Variants in ZFPM1 observed in about 807,000 individuals in gnomAD.
ZFPM1 encodes zinc finger protein ZFPM1.
In ZFPM1, 28 loss-of-function variants were observed where a neutral mutation model predicts 46.3. The ratio of observed to expected loss-of-function variants is 0.60; its 90% CI spans 0.45 to 0.83. The LOEUF (loss-of-function observed/expected upper bound fraction) is 0.83, where lower values mean the gene tolerates loss of function less well. Among genes scored for constraint, ZFPM1 ranks in the 40% least tolerant of loss-of-function variants. ZFPM1 has a pLI of 0.00. For missense variants in ZFPM1, 1,878 were observed against 1,432.4 expected (o/e 1.31, Z -5.02); for synonymous variants, 957 against 675.9 (o/e 1.42, Z -6.45).
At position 88,489,620 on chromosome 16, in the gene ZFPM1, G is replaced by A. The variant is rs533455972; in HGVS notation, c.268+467G>A. ...GGCCCCACCCCACTCCAGAGCGGCT[G>A]CAGCCTATGGGGACGGAGTCCCATC... On this transcript the variant is annotated intron_variant, in intron 3 of 9. Coordinates refer to ENST00000319555, the MANE Select transcript of ZFPM1 (RefSeq NM_153813.3). Among the ~76,000 whole-genome samples the A allele has an allele frequency of 7.2e-5, 11 of 152,338 alleles. No individual in the cohort carries two copies. The South Asian group carries it at 2.1e-3, about 29-fold the overall frequency.
At chr16:88,475,151 G>A (rs1305073534) in intron 1 of ZFPM1, among the ~76,000 whole-genome samples, 1 of 152,242 alleles carries the variant, frequency 6.6e-6, no homozygotes, top group Admixed American at 6.5e-5. Context: ...CACAGCTCCG[G>A]GAGGAGCCAT....
At chr16:88,455,834 G>A (rs1907531688) in intron 1 of ZFPM1, among the ~76,000 whole-genome samples, 6 of 152,170 alleles carry the variant, frequency 3.9e-5, no homozygotes, top group Admixed American at 3.9e-4. Context: ...TGGCGGAGGC[G>A]ATAGGCCGGG....
At chr16:88,530,720 C>T (rs2142487088) in intron 6 of ZFPM1, 1 of 150,966 alleles carries the variant, frequency 6.6e-6, no homozygotes, top group South Asian at 2.1e-4. Flanking sequence ...CAGCAAGAGT[C>T]CCCCACAATG....
chr16:88,471,489 G>A lies in ZFPM1; in HGVS notation c.41-14450G>A, dbSNP rs1466230109. On this transcript the variant is annotated intron_variant, in intron 1 of 9. Coordinates refer to ENST00000319555, the MANE Select transcript of ZFPM1 (RefSeq NM_153813.3). This position sits in a 1 kb window ranked among gnomAD's most constrained non-coding sequence, Gnocchi z 4.1. ...ACAGTGGGGGATGCCAGGACCCCGA[G>A]ACGACCATGCCCACAGTGGCTCCCA... 6.6e-6 allele frequency among the ~76,000 whole-genome samples: 1 copy of A among 150,892 alleles called. No homozygotes were observed. Among genetic ancestry groups the A allele is most frequent in the Non-Finnish European group, 1.5e-5 (1 of 67,978 alleles).
intron 4 of ZFPM1, among the ~76,000 whole-genome samples, chr16:88,523,915 G>T (rs898241236): frequency 6.6e-6 from 1 of 152,214 alleles, no homozygotes; most frequent in African/African-American, 2.4e-5. Context: ...ACTCGGCGGG[G>T]CCGGGCGGGA....
chr16:88,514,573 T>G, intron 4 of ZFPM1, 53 bp downstream of exon 4: 1 of 1,352,986 alleles, frequency 7.4e-7, no homozygotes, highest in Non-Finnish European at 9.7e-7. Flanking sequence ...CAGGGCAACA[T>G]GGACCCAGGG....
At position 88,533,801 on chromosome 16, in the gene ZFPM1, C is replaced by A; in HGVS notation, c.1843C>A (p.Pro615Thr). 8.7e-7 allele frequency: 1 copy of A among 1,144,712 alleles called. No homozygotes were observed. The highest frequency in any genetic ancestry group is 2.7e-5 in the South Asian group (1 of 37,246). The allele number at this position is 1,144,712 out of a possible 1,614,324, so 70.9% of individuals were successfully genotyped here. ...APEDAPAARR[P>T]KAPPGPARAP... is the part of the protein sequence containing the mutation. ...CGAGGACGCGCCTGCCGCGCGCAGGCCCAAGGCGCCCCCCGGCCCGGCCCG... is the reference window on the plus strand; with the variant it reads ...CGAGGACGCGCCTGCCGCGCGCAGGACCAAGGCGCCCCCCGGCCCGGCCCG... The change falls in exon 10 of 10, where the codon CCC (proline) becomes ACC (threonine). Residue 615 changes from proline (P) to threonine (T), a missense_variant. Coordinates refer to ENST00000319555, the MANE Select transcript of ZFPM1 (RefSeq NM_153813.3).
At chr16:88,496,118 A>C (rs184112406) in intron 3 of ZFPM1, among the ~76,000 whole-genome samples, 4 of 152,256 alleles carry the variant, frequency 2.6e-5, no homozygotes, top group Admixed American at 2.0e-4. Flanking sequence ...TCCAGAGGGC[A>C]CCTGGCAGTG....
In ZFPM1 at chr16:88,453,541, G is replaced by A; in HGVS notation, c.-98G>A. 9.2e-6 allele frequency: 5 copies of A among 540,832 alleles called. No individual in the cohort carries two copies. Among genetic ancestry groups the A allele is most frequent in the Non-Finnish European group, 1.2e-5 (5 of 427,020 alleles). The allele number at this position is 540,832 out of a possible 1,614,324, so 33.5% of individuals were successfully genotyped here. The stretch of plus-strand genomic sequence containing the variant: ...GCGGCCGCGGAGACCGGGGGCCGGG[G>A]GCATGAGCGGCCCCGCGGCCCCGCC... On this transcript the variant is annotated 5_prime_UTR_variant, in exon 1 of 10. Transcript: ENST00000319555.
chr16:88,474,592 T>C (rs1908588452), intron 1 of ZFPM1, among the ~76,000 whole-genome samples: 1 of 151,882 alleles, frequency 6.6e-6, no homozygotes, highest in African/African-American at 2.4e-5. Context: ...GGCGGGGGGC[T>C]CTGTCTTCAG....
rs1465267930 is a variant in ZFPM1 at position 88,532,689 on chromosome 16, T to C, written c.1022T>C (p.Val341Ala). Residue 341 changes from valine (V) to alanine (A), a missense_variant, in exon 8 of 10, where the codon GTG (valine) becomes GCG (alanine). Coordinates refer to ENST00000319555, the MANE Select transcript of ZFPM1 (RefSeq NM_153813.3). ...GCCAACTGCGAGCGGCACCTCAAGGTGCACACGGACACGCTGAGCGGTAGG... is the reference window on the plus strand; with the variant it reads ...GCCAACTGCGAGCGGCACCTCAAGGCGCACACGGACACGCTGAGCGGTAGG... ...TKANCERHLK[V>A]HTDTLSGVCH... 2 of 1,609,594 alleles carry C rather than the reference T, an allele frequency of 1.2e-6. No homozygotes were observed. Among genetic ancestry groups the C allele is most frequent in the African/African-American group, 2.7e-5 (2 of 74,804 alleles).
At chr16:88,507,268 C>A (rs1001801833) in intron 3 of ZFPM1, among the ~76,000 whole-genome samples, 2 of 152,126 alleles carry the variant, frequency 1.3e-5, no homozygotes, top group Non-Finnish European at 2.9e-5. Flanking sequence ...AGAAACGGTC[C>A]CCATCATCCC....
intron 4 of ZFPM1, chr16:88,522,082 G>C (rs961640189): frequency 3.3e-5 from 5 of 152,444 alleles, no homozygotes; most frequent in African/African-American, 1.2e-4. Context: ...TGTTCACTGT[G>C]TTCCCCACAC....
chr16:88,534,158 C>T lies in ZFPM1; in HGVS notation c.2200C>T (p.Pro734Ser). Residue 734 changes from proline (P) to serine (S), a missense_variant, in exon 10 of 10, where the codon CCC becomes TCC. By Grantham distance (74) the Pro-to-Ser change is moderately conservative. Transcript: ENST00000319555. ...GCCGGCCGCGCCCCCGGCCCCCTCT[C>T]CCGCCGCGCCTGTGCGCACGCGCAG... is the stretch of plus-strand genomic sequence containing the variant. The part of the protein sequence containing the change: ...PGPAAPPAPS[P>S]AAPVRTRRRR... 1.0e-6 allele frequency: 1 copy of T among 999,968 alleles called. No individual in the cohort carries two copies. Among genetic ancestry groups the T allele is most frequent in the Non-Finnish European group, 1.2e-6 (1 of 842,556 alleles). 61.9% of individuals were successfully genotyped at this position (999,968 alleles called of 1,614,324 possible).
chr16:88,459,518 C>T (rs1208209319), intron 1 of ZFPM1, among the ~76,000 whole-genome samples: 1 of 151,128 alleles, frequency 6.6e-6, no homozygotes, highest in Non-Finnish European at 1.5e-5. Context: ...ACCCTCTCCC[C>T]CTCCTACCCT....
chr16:88,527,997 C>T (rs1912479351), intron 5 of ZFPM1, 35 bp from the exon 6 acceptor site: 1 of 1,501,326 alleles, frequency 6.7e-7, no homozygotes, highest in African/African-American at 1.4e-5. Context: ...AAGTGGGGCA[C>T]AAAGTCCTAG....
At chr16:88,518,477 G>A (rs893481283) in intron 4 of ZFPM1, among the ~76,000 whole-genome samples, 2 of 151,564 alleles carry the variant, frequency 1.3e-5, no homozygotes, top group African/African-American at 4.9e-5. Context: ...GTGGGTAGAT[G>A]GGTAGATGGA....
At chr16:88,520,278 G>GGATA (rs1452351838) in intron 4 of ZFPM1, among the ~76,000 whole-genome samples, 1 of 151,646 alleles carries the variant, frequency 6.6e-6, no homozygotes, top group South Asian at 2.1e-4. Flanking sequence ...ATGGATGGAT[G>GGATA]GATAGATAGG....
At position 88,493,172 on chromosome 16, in the gene ZFPM1, C is replaced by T. The variant is rs1909698007; in HGVS notation, c.268+4019C>T. On this transcript the variant is annotated intron_variant, in intron 3 of 9. Coordinates refer to ENST00000319555, the MANE Select transcript of ZFPM1 (RefSeq NM_153813.3). ...CTGTCCCGGGGTGAGGAGAGCTGTC[C>T]CGGAGTGAGGAGAGCTGTCCCAGGG... Among the ~76,000 whole-genome samples the T allele has an allele frequency of 3.7e-5, 4 of 106,864 alleles. No individual in the cohort carries two copies. The Admixed American group carries it at 4.3e-4, about 11-fold the overall frequency. 70.1% of individuals were successfully genotyped at this position (106,864 alleles called of 152,430 possible). A position where few individuals can be genotyped will look rare whatever the true frequency, so the allele number is the denominator to read the frequency against.
Sources: allele counts gnomAD v4.1 joint callset (sites outside exome capture counted in the v4.1 genomes callset), GRCh38; gene constraint gnomAD v4.1.1; non-coding constraint Gnocchi (gnomAD v3.1); transcripts MANE v1.5; gene names NCBI Gene and HGNC (gene_info 2026-07-23, HGNC 2026-07-21).